Variants in RANBP2 observed in about 807,000 individuals in gnomAD.
RANBP2 encodes the protein RAN binding protein 2, also known as E3 SUMO-protein ligase RanBP2.
In RANBP2, 57 loss-of-function variants were observed where a neutral mutation model predicts 303.6. The observed-to-expected ratio is 0.19, with a 90% confidence interval of 0.15 to 0.23. The LOEUF (loss-of-function observed/expected upper bound fraction) is 0.23, where lower values mean the gene tolerates loss of function less well. RANBP2 is among the 10% of genes least tolerant of loss of function. The pLI, the probability that RANBP2 is intolerant of heterozygous loss-of-function variation, is 1.00. For missense variants in RANBP2, 3,138 were observed against 3,780.8 expected, an observed-to-expected ratio of 0.83 and a Z score of 4.46; for synonymous variants, 1,167 against 1,301.5, an observed-to-expected ratio of 0.90 and a Z score of 2.23.
At chr2:109,531,285 C>G in the RANBP2 span, among the ~76,000 whole-genome samples, 6 of 152,214 alleles carry the variant, frequency 3.9e-5, no homozygotes, top group Middle Eastern at 3.2e-3. Flanking sequence ...CTCTACAGAC[C>G]GGCTCTGCAT....
the RANBP2 span, among the ~76,000 whole-genome samples, chr2:109,461,791 G>A: frequency 2.3e-4 from 35 of 152,358 alleles, no homozygotes; most frequent in Middle Eastern, 3.4e-3. Context: ...ATCTTTCACA[G>A]CAGCCTGGAC....
chr2:108,740,316 TAAAA>T (rs926959319), intron 6 of RANBP2, among the ~76,000 whole-genome samples, 169 bp from the exon 7 acceptor site: 1 of 151,836 alleles, frequency 6.6e-6, no homozygotes, highest in African/African-American at 2.4e-5. Flanking sequence ...GTATGCAGGA[TAAAA>T]AAAAGCATTA....
At chr2:109,386,239 C>T in the RANBP2 span, among the ~76,000 whole-genome samples, 2 of 152,342 alleles carry the variant, frequency 1.3e-5, no homozygotes, top group East Asian at 3.9e-4. Context: ...TCTCCCCAGT[C>T]CCTGAGGATG....
the RANBP2 span, among the ~76,000 whole-genome samples, chr2:109,001,556 A>G: frequency 2.1e-4 from 32 of 152,340 alleles, no homozygotes; most frequent in African/African-American, 7.7e-4. Context: ...CATACCAAAG[A>G]GCACAGCAGC....
the RANBP2 span, among the ~76,000 whole-genome samples, chr2:109,659,347 C>G: frequency 6.6e-6 from 1 of 152,184 alleles, no homozygotes; most frequent in African/African-American, 2.4e-5. Context: ...TGCACTCCAG[C>G]CTGGGTGACA....
At chr2:108,936,281 C>G in the RANBP2 span, among the ~76,000 whole-genome samples, 1 of 152,240 alleles carries the variant, frequency 6.6e-6, no homozygotes, top group African/African-American at 2.4e-5. Context: ...ACGGATGTCC[C>G]TTTTGTCTGT....
At chr2:109,193,566 A>C in the RANBP2 span, among the ~76,000 whole-genome samples, 1 of 151,976 alleles carries the variant, frequency 6.6e-6, no homozygotes, top group Non-Finnish European at 1.5e-5. Context: ...AAGCTCACCC[A>C]TGTGGTATGT....
chr2:109,388,699 C>T, the RANBP2 span, among the ~76,000 whole-genome samples: 1 of 152,244 alleles, frequency 6.6e-6, no homozygotes, highest in Non-Finnish European at 1.5e-5. Flanking sequence ...ACATTTGAAG[C>T]ATCTGTGAAA....
chr2:109,273,832 C>G, the RANBP2 span, among the ~76,000 whole-genome samples: 1 of 152,080 alleles, frequency 6.6e-6, no homozygotes, highest in Non-Finnish European at 1.5e-5. Context: ...AGCATACATG[C>G]TGATTGCTTA....
At chr2:108,830,120 A>G in the RANBP2 span, among the ~76,000 whole-genome samples, 1 of 152,200 alleles carries the variant, frequency 6.6e-6, no homozygotes, top group Non-Finnish European at 1.5e-5. Context: ...GCATGAATGA[A>G]CCCTGAAGCT....
chr2:109,467,119 C>T, the RANBP2 span, among the ~76,000 whole-genome samples: 71,790 of 152,162 alleles, frequency 0.47, 18,481 homozygotes, highest in Non-Finnish European at 0.56. Flanking sequence ...AACATGCCAC[C>T]TGTCACTCAG....
Position 108,754,943 on chromosome 2 carries a change from T to G in RANBP2, c.2241T>G (p.Asn747Lys), listed in dbSNP as rs757991427. Residue 747 changes from asparagine (N) to lysine (K), a missense_variant, in exon 16 of 29, where the codon AAT becomes AAG. Asn to Lys is a moderately conservative substitution (Grantham distance 94, BLOSUM62 0). Coordinates refer to ENST00000283195, the MANE Select transcript of RANBP2 (RefSeq NM_006267.5). ...TGGAGTCTGTAAAAGAGATGCTTAA[T>G]TCAGTCATGCAGGAACTCGAAGACT... is the stretch of plus-strand genomic sequence containing the variant. ...VPLESVKEML[N>K]SVMQELEDYS... is the part of the protein sequence containing the mutation. 63 of 1,611,772 alleles carry G rather than the reference T, an allele frequency of 3.9e-5. No homozygotes were observed. In the African/African-American group the frequency reaches 4.7e-4, roughly 12 times the overall value.
At chr2:109,473,426 A>G in the RANBP2 span, among the ~76,000 whole-genome samples, 3 of 152,206 alleles carry the variant, frequency 2.0e-5, no homozygotes, top group Non-Finnish European at 4.4e-5. Flanking sequence ...GACAAATACA[A>G]TGAGGTCTGA....
the RANBP2 span, among the ~76,000 whole-genome samples, chr2:109,700,695 T>C: frequency 3.9e-4 from 59 of 152,168 alleles, no homozygotes; most frequent in Non-Finnish European, 5.7e-4. Flanking sequence ...CCTTTCACAT[T>C]TGCAAACAAA....
At chr2:109,247,326 T>C in the RANBP2 span, among the ~76,000 whole-genome samples, 5 of 152,176 alleles carry the variant, frequency 3.3e-5, no homozygotes, top group Non-Finnish European at 5.9e-5. Flanking sequence ...TATCCAAATC[T>C]CTGCAGCCCC....
At chr2:109,652,257 C>G in the RANBP2 span, among the ~76,000 whole-genome samples, 1 of 151,084 alleles carries the variant, frequency 6.6e-6, no homozygotes, top group African/African-American at 2.4e-5. Flanking sequence ...GAGTCTCGCT[C>G]TGTCACTCAG....
At chr2:109,669,449 T>C in the RANBP2 span, among the ~76,000 whole-genome samples, 1 of 152,110 alleles carries the variant, frequency 6.6e-6, no homozygotes, top group African/African-American at 2.4e-5. Context: ...AACCAGAATA[T>C]ATAATAAGCT....
At chr2:109,391,777 G>A in the RANBP2 span, among the ~76,000 whole-genome samples, 9 of 152,166 alleles carry the variant, frequency 5.9e-5, no homozygotes. Flanking sequence ...GCTGGCATCT[G>A]TCCCATATGA....
the RANBP2 span, among the ~76,000 whole-genome samples, chr2:109,722,404 G>A: frequency 5.9e-5 from 9 of 152,186 alleles, no homozygotes; most frequent in Non-Finnish European, 8.8e-5. Context: ...CAGCTCTCTA[G>A]TGTTTGTCAA....
Sources: allele counts gnomAD v4.1 joint callset (sites outside exome capture counted in the v4.1 genomes callset), GRCh38; gene constraint gnomAD v4.1.1; transcripts MANE v1.5; gene names NCBI Gene and HGNC (gene_info 2026-07-23, HGNC 2026-07-21).